FGF14: variants seen among roughly 807,000 people sequenced by gnomAD.
FGF14 encodes fibroblast growth factor 14.
In FGF14, 5 loss-of-function variants were observed where a neutral mutation model predicts 25.5. The ratio of observed to expected loss-of-function variants is 0.20; its 90% CI spans 0.10 to 0.41. FGF14 has a LOEUF of 0.41. Ranked by LOEUF, FGF14 falls within the 10% of genes least tolerant of loss-of-function variation. The pLI is 1.00. For missense variants in FGF14, 222 were observed against 320.1 expected (o/e 0.69, Z 2.34); for synonymous variants, 138 against 118.3 (o/e 1.17, Z -1.08).
At chr13:102,364,050 T>C (rs1204406850) in intron 1 of FGF14, among the ~76,000 whole-genome samples, 2 of 152,332 alleles carry the variant, frequency 1.3e-5, no homozygotes, top group South Asian at 2.1e-4. Context: ...ATCATTTGGG[T>C]ACCCAGGTAC....
chr13:101,786,835 C>T (rs1442527559), intron 3 of FGF14, among the ~76,000 whole-genome samples: 1 of 152,054 alleles, frequency 6.6e-6, no homozygotes, highest in East Asian at 1.9e-4. Flanking sequence ...ACAATTAAAC[C>T]ACATAGCATT....
At chr13:101,806,425 A>C (rs75911424) in intron 3 of FGF14, among the ~76,000 whole-genome samples, 1 of 131,244 alleles carries the variant, frequency 7.6e-6, no homozygotes, top group African/African-American at 2.9e-5. Flanking sequence ...TCTAAGAAGA[A>C]AAAAAAAAAA....
At position 102,166,741 on chromosome 13, in the gene FGF14, A is replaced by G. The variant is rs76195570; in HGVS notation, c.208+234730T>C. Among the ~76,000 whole-genome samples, 65 of 152,304 alleles carry G rather than the reference A, an allele frequency of 4.3e-4. 1 individual carries two copies. In the East Asian group the frequency reaches 9.3e-3, roughly 22 times the overall value. The stretch of plus-strand genomic sequence containing the variant: ...ATGAGTTCAATGCTAATGAATCAAC[A>G]ATAGGTACTAAAATAAGGCGTCTTC... On this transcript the variant is annotated intron_variant, in intron 1 of 4. Transcript: ENST00000376131.
chr13:101,885,148 G>A (rs949641947), intron 1 of FGF14, among the ~76,000 whole-genome samples: 1 of 152,172 alleles, frequency 6.6e-6, no homozygotes, highest in African/African-American at 2.4e-5. Flanking sequence ...GGAGTTGCAC[G>A]CAGTCCAGGG....
At chr13:101,816,241 A>G (rs1008287481) in intron 3 of FGF14, among the ~76,000 whole-genome samples, 43 of 146,408 alleles carry the variant, frequency 2.9e-4, no homozygotes, top group Middle Eastern at 3.4e-3. Flanking sequence ...CTGCACTCCA[A>G]CCTGGGGAAC....
At chr13:102,279,230 T>A (rs180945464) in intron 1 of FGF14, among the ~76,000 whole-genome samples, 132 of 150,680 alleles carry the variant, frequency 8.8e-4, no homozygotes, top group Non-Finnish European at 1.6e-3. Flanking sequence ...TTTAATAAGG[T>A]TTATACAATG....
At chr13:101,857,998 C>T (rs4110589) in intron 3 of FGF14, among the ~76,000 whole-genome samples, 44,265 of 151,410 alleles carry the variant, frequency 0.29, 6,718 homozygotes, top group East Asian at 0.53. Context: ...TTTAGTTATT[C>T]CTCTGGAAAA....
intron 1 of FGF14, among the ~76,000 whole-genome samples, chr13:102,038,681 A>G (rs1158221938): frequency 6.6e-6 from 1 of 152,040 alleles, no homozygotes; most frequent in East Asian, 1.9e-4. Flanking sequence ...TCTACCCCCC[A>G]CTGTGAGACA....
intron 1 of FGF14, among the ~76,000 whole-genome samples, chr13:102,336,950 A>G (rs1253412620): frequency 1.3e-5 from 2 of 152,194 alleles, no homozygotes; most frequent in Admixed American, 1.3e-4. Flanking sequence ...TCAAAATACT[A>G]CTGCTCATTG....
rs5806272 is a variant in FGF14, at chr13:102,132,515, C to CTT, written c.209-257221_209-257220dup. On this transcript the variant is annotated intron_variant, in intron 1 of 4. Coordinates refer to the FGF14 transcript ENST00000376131. ...AAGGCATACTTTTCTTTCTTTCTTTCTTTTTTTTTTTTTTTGAGACAGAGT... is the reference window on the plus strand; with the variant it reads ...AAGGCATACTTTTCTTTCTTTCTTTCTTTTTTTTTTTTTTTTTGAGACAGAGT... Among the ~76,000 whole-genome samples the CTT allele has an allele frequency of 1.7e-3, 188 of 112,686 alleles. 2 individuals carry two copies. Among genetic ancestry groups the CTT allele is most frequent in the African/African-American group, 3.9e-3 (124 of 31,516 alleles). 73.9% of individuals were successfully genotyped at this position (112,686 alleles called of 152,430 possible). A position where few individuals can be genotyped will look rare whatever the true frequency, so the allele number is the denominator to read the frequency against.
chr13:102,045,019 C>T, intron 1 of FGF14, among the ~76,000 whole-genome samples: 1 of 152,162 alleles, frequency 6.6e-6, no homozygotes, highest in Non-Finnish European at 1.5e-5. Flanking sequence ...GTGTCTATAA[C>T]CTCACTGACG....
chr13:101,859,570 A>G (rs570971081), intron 3 of FGF14, among the ~76,000 whole-genome samples: 1 of 152,286 alleles, frequency 6.6e-6, no homozygotes, highest in East Asian at 1.9e-4. Flanking sequence ...TCTACTCCTC[A>G]GCATATATTT....
chr13:102,115,361 C>T (rs557419529), intron 1 of FGF14, among the ~76,000 whole-genome samples: 58 of 152,288 alleles, frequency 3.8e-4, no homozygotes, highest in Non-Finnish European at 7.2e-4. Flanking sequence ...AGACACAAGA[C>T]CACTGCTCAA....
intron 1 of FGF14, among the ~76,000 whole-genome samples, chr13:102,346,423 G>C (rs547396313): frequency 4.0e-5 from 6 of 151,304 alleles, no homozygotes; most frequent in South Asian, 4.2e-4. Context: ...AGTAAGCAAT[G>C]GGATGTACAG....
At chr13:101,875,695 T>C (rs866429651) in intron 1 of FGF14, among the ~76,000 whole-genome samples, 3 of 152,150 alleles carry the variant, frequency 2.0e-5, no homozygotes, top group African/African-American at 2.4e-5. Flanking sequence ...GGTTTTTTAA[T>C]GGAGTTCTCC....
At chr13:102,297,930 G>C (rs753799108) in intron 1 of FGF14, among the ~76,000 whole-genome samples, 13 of 152,040 alleles carry the variant, frequency 8.6e-5, no homozygotes, top group Non-Finnish European at 1.3e-4. Context: ...CAGTGGCTGG[G>C]ATGCCCTCAC....
At chr13:102,381,224 T>C (rs1268721290) in intron 1 of FGF14, among the ~76,000 whole-genome samples, 1 of 152,200 alleles carries the variant, frequency 6.6e-6, no homozygotes, top group Non-Finnish European at 1.5e-5. Flanking sequence ...AGCAACCATC[T>C]GTACATAAAA....
chr13:101,816,269 CAAA>C (rs58615099), intron 3 of FGF14, among the ~76,000 whole-genome samples: 1 of 89,038 alleles, frequency 1.1e-5, no homozygotes. Context: ...GACTCCGTCT[CAAA>C]AAAAAAAAAA....
intron 1 of FGF14, among the ~76,000 whole-genome samples, chr13:101,987,234 G>A (rs764419470): frequency 6.6e-6 from 1 of 151,834 alleles, no homozygotes; most frequent in Non-Finnish European, 1.5e-5. Flanking sequence ...AGGAAAAAAA[G>A]GTCATGTTCT....
Sources: gnomAD v4.1 joint callset for allele counts (sites outside exome capture counted in the v4.1 genomes callset) on GRCh38, gnomAD v4.1.1 for gene constraint, MANE v1.5 for transcripts, NCBI Gene and HGNC (gene_info 2026-07-23, HGNC 2026-07-21) for gene names.